Variants in ARHGAP29 observed in about 807,000 individuals in gnomAD.
The protein encoded by ARHGAP29 is rho GTPase-activating protein 29.
ARHGAP29 carries 43 observed loss-of-function variants against 122.6 expected under a neutral mutation model. The ratio of observed to expected loss-of-function variants is 0.35; its 90% CI spans 0.27 to 0.45. The LOEUF is 0.45. Among genes scored for constraint, ARHGAP29 ranks in the 20% least tolerant of loss-of-function variants. ARHGAP29 has a pLI of 1.00. For synonymous variants in ARHGAP29, 506 were observed against 497.1 expected, an observed-to-expected ratio of 1.02 and a Z score of -0.24; for missense variants, 1,303 against 1,477.2, an observed-to-expected ratio of 0.88 and a Z score of 1.93.
chr1:94,286,487 G>A, the ARHGAP29 span, among the ~76,000 whole-genome samples: 1 of 152,072 alleles, frequency 6.6e-6, no homozygotes, highest in African/African-American at 2.4e-5. Context: ...GGGCAACATG[G>A]TAAAACCCTA....
Position 94,174,020 on chromosome 1 carries a change from G to T in ARHGAP29, c.3635C>A (p.Ala1212Glu), listed in dbSNP as rs746489015. 3.1e-6 allele frequency: 5 copies of T among 1,614,092 alleles called. No homozygotes were observed. In the African/African-American group the frequency reaches 6.7e-5, roughly 22 times the overall value. Residue 1212 changes from alanine (A) to glutamate (E), a missense_variant, in exon 23 of 23, where the codon GCA (alanine) becomes GAA (glutamate). Ala to Glu is a moderately radical substitution (Grantham distance 107, BLOSUM62 -1). Transcript: ENST00000260526. Reference protein sequence around the residue: ...VVKSMPDPDKASACPGQATGQ... With the variant: ...VVKSMPDPDKESACPGQATGQ... ...AGTTGCTTGCCCAGGACAAGCTGATGCTTTGTCTGGGTCTGGCATTGACTT... is the reference window on the plus strand; with the variant it reads ...AGTTGCTTGCCCAGGACAAGCTGATTCTTTGTCTGGGTCTGGCATTGACTT...
chr1:94,190,191 A>T, intron 12 of ARHGAP29, 108 bp from the exon 13 acceptor site: 1 of 1,140,292 alleles, frequency 8.8e-7, no homozygotes, highest in Non-Finnish European at 1.2e-6. Context: ...ACAGTGAAGC[A>T]TACAACACTG....
At chr1:94,273,229 G>A (rs1415248596) in intron 1 of ARHGAP29, among the ~76,000 whole-genome samples, 1 of 152,190 alleles carries the variant, frequency 6.6e-6, no homozygotes, top group Non-Finnish European at 1.5e-5. Flanking sequence ...CTCCATTTAA[G>A]CTCCATGATC....
At chr1:94,213,709 ACT>A (rs1305587290) in intron 3 of ARHGAP29, among the ~76,000 whole-genome samples, 4 of 151,964 alleles carry the variant, frequency 2.6e-5, no homozygotes, top group Non-Finnish European at 4.4e-5. Flanking sequence ...TTAAATCCTA[ACT>A]CTCTCTCTTA....
At chr1:94,180,151 GT>G (rs113228362) in intron 19 of ARHGAP29, among the ~76,000 whole-genome samples, 194 bp from the exon 20 acceptor site, 2,036 of 152,194 alleles carry the variant, frequency 0.013, 47 homozygotes, top group African/African-American at 0.047. Context: ...ATCATAAATT[GT>G]TATCTGTATT....
intron 1 of ARHGAP29, among the ~76,000 whole-genome samples, chr1:94,256,536 CTTTTTTTTTTTTTTTTTTTTTTTTT>C (rs530295333): frequency 2.2e-5 from 1 of 45,296 alleles, no homozygotes; most frequent in Non-Finnish European, 3.7e-5. Context: ...CAGTACTAAT[CTTTTTTTTTTTTTTTTTTTTTTTTT>C]TTTTTTTTTT....
the ARHGAP29 span, among the ~76,000 whole-genome samples, chr1:94,281,599 A>G: frequency 1.6e-4 from 25 of 152,338 alleles, no homozygotes; most frequent in African/African-American, 6.0e-4. Flanking sequence ...GCAATCACAC[A>G]TAATAGCGTT....
chr1:94,177,844 A>T lies in ARHGAP29; in HGVS notation c.2796+8T>A. The stretch of plus-strand genomic sequence containing the variant: ...GTTCTAATATAATTCTATAAAGGTC[A>T]AACTCACTTCCTTTGAAGAAAAAAA... On this transcript the variant is annotated splice_region_variant and intron_variant, in intron 21 of 22. Coordinates refer to ENST00000260526, the MANE Select transcript of ARHGAP29 (RefSeq NM_004815.4). 6.2e-7 allele frequency: 1 copy of T among 1,601,466 alleles called. No individual in the cohort carries two copies. Among genetic ancestry groups the T allele is most frequent in the Non-Finnish European group, 8.5e-7 (1 of 1,175,628 alleles).
At chr1:94,309,302 G>A in the ARHGAP29 span, among the ~76,000 whole-genome samples, 1 of 152,186 alleles carries the variant, frequency 6.6e-6, no homozygotes, top group Non-Finnish European at 1.5e-5. Flanking sequence ...TCACAACAGC[G>A]AGAGGATGGT....
chr1:94,306,711 G>A, the ARHGAP29 span, among the ~76,000 whole-genome samples: 6 of 152,180 alleles, frequency 3.9e-5, no homozygotes, highest in Non-Finnish European at 5.9e-5. Flanking sequence ...AAATGGATAT[G>A]CACCAACATT....
upstream of ARHGAP29, among the ~76,000 whole-genome samples, chr1:94,237,936 G>A (rs1324277339): frequency 6.6e-6 from 1 of 152,046 alleles, no homozygotes; most frequent in Non-Finnish European, 1.5e-5. Context: ...CCAGGGGTTA[G>A]GGCCTGGGGA....
chr1:94,261,734 A>G (rs967203220), intron 1 of ARHGAP29, among the ~76,000 whole-genome samples: 4 of 152,190 alleles, frequency 2.6e-5, no homozygotes, highest in African/African-American at 7.2e-5. Flanking sequence ...ACTACAAAAC[A>G]CTGCTCAAAG....
chr1:94,196,411 G>A (rs1019674315), intron 12 of ARHGAP29, among the ~76,000 whole-genome samples: 9 of 150,562 alleles, frequency 6.0e-5, no homozygotes, highest in Admixed American at 1.3e-4. Context: ...ACAGGCGCCC[G>A]CTACCACGCC....
intron 17 of ARHGAP29, 96 bp from the exon 18 acceptor site, chr1:94,185,156 A>G: frequency 7.7e-7 from 1 of 1,294,144 alleles, no homozygotes; most frequent in Non-Finnish European, 1.0e-6. Context: ...AATGAGTTTA[A>G]GAGGTATTAC....
At chr1:94,221,171 G>A (rs932520049) in intron 2 of ARHGAP29, among the ~76,000 whole-genome samples, 8 of 152,136 alleles carry the variant, frequency 5.3e-5, no homozygotes, top group Non-Finnish European at 8.8e-5. Context: ...CTAGTGGAAA[G>A]GGGGATGCTA....
chr1:94,205,440 G>T (rs767614746), intron 6 of ARHGAP29, among the ~76,000 whole-genome samples, 195 bp downstream of exon 6: 7 of 152,004 alleles, frequency 4.6e-5, no homozygotes, highest in Non-Finnish European at 1.0e-4. Flanking sequence ...CACAATTCTT[G>T]ATCAGTCTAT....
At chr1:94,252,911 T>A (rs905669094) in intron 1 of ARHGAP29, among the ~76,000 whole-genome samples, 2 of 152,186 alleles carry the variant, frequency 1.3e-5, no homozygotes, top group African/African-American at 2.4e-5. Flanking sequence ...GATCTGTTTT[T>A]CTGATAAAAT....
the ARHGAP29 span, among the ~76,000 whole-genome samples, chr1:94,281,998 G>A: frequency 7.6e-4 from 116 of 152,188 alleles, 1 homozygote; most frequent in Middle Eastern, 0.01. Flanking sequence ...CTTTTACCAA[G>A]GGCAGAGATC....
chr1:94,174,809 G>A lies in ARHGAP29; in HGVS notation c.2906-60C>T. On this transcript the variant is annotated intron_variant, in intron 22 of 22. Coordinates refer to ENST00000260526, the MANE Select transcript of ARHGAP29 (RefSeq NM_004815.4). ...ACATGGTTAATAAGAGAGTTTGAATGAGTTAGAGATGAACACTCTATCAAG... is the reference window on the plus strand; with the variant it reads ...ACATGGTTAATAAGAGAGTTTGAATAAGTTAGAGATGAACACTCTATCAAG... The A allele has an allele frequency of 2.6e-6, 4 of 1,526,482 alleles. No homozygotes were observed. In the South Asian group the frequency reaches 5.0e-5, roughly 19 times the overall value. 94.6% of individuals were successfully genotyped at this position (1,526,482 alleles called of 1,614,324 possible). A position where few individuals can be genotyped will look rare whatever the true frequency, so the allele number is the denominator to read the frequency against.
Sources: gnomAD v4.1 joint callset for allele counts (sites outside exome capture counted in the v4.1 genomes callset) on GRCh38, gnomAD v4.1.1 for gene constraint, MANE v1.5 for transcripts, NCBI Gene and HGNC (gene_info 2026-07-23, HGNC 2026-07-21) for gene names.